DYM: variants seen among roughly 807,000 people sequenced by gnomAD.
DYM encodes the protein dyggve-Melchior-Clausen syndrome protein.
In DYM, 78 loss-of-function variants were observed where a neutral mutation model predicts 93.1. The observed-to-expected ratio is 0.84, with a 90% CI of 0.70 to 1.01. DYM has a LOEUF of 1.01. DYM is among the 50% of genes least tolerant of loss of function. The probability of loss-of-function intolerance (pLI) is 0.00; values close to 1 mark genes in which losing one functional copy is unlikely to be tolerated. For synonymous variants in DYM, 321 were observed against 319.7 expected (o/e 1.00, Z -0.04); for missense variants, 789 against 845.0 (o/e 0.93, Z 0.82).
intron 5 of DYM, among the ~76,000 whole-genome samples, chr18:49,370,982 C>T (rs570005312): frequency 6.6e-6 from 1 of 152,068 alleles, no homozygotes; most frequent in African/African-American, 2.4e-5. Flanking sequence ...GAGTAAAACA[C>T]TGAGAAGTAA....
At chr18:49,385,291 G>C (rs538277670) in intron 3 of DYM, among the ~76,000 whole-genome samples, 1 of 152,310 alleles carries the variant, frequency 6.6e-6, no homozygotes, top group African/African-American at 2.4e-5. Context: ...CCTACAGGGA[G>C]TCTGACTATC....
At chr18:49,060,027 T>A (rs185994755) in intron 17 of DYM, among the ~76,000 whole-genome samples, 3 of 152,276 alleles carry the variant, frequency 2.0e-5, no homozygotes, top group African/African-American at 7.2e-5. Flanking sequence ...AATAAAAATA[T>A]GAAATATGGT....
At chr18:49,352,564 T>C (rs572519312) in intron 6 of DYM, among the ~76,000 whole-genome samples, 17 of 151,892 alleles carry the variant, frequency 1.1e-4, no homozygotes, top group Non-Finnish European at 2.4e-4. Flanking sequence ...ACTAGGGAAC[T>C]TGAGAGGGAT....
intron 14 of DYM, among the ~76,000 whole-genome samples, chr18:49,198,542 A>C (rs1272652896): frequency 6.6e-6 from 1 of 152,226 alleles, no homozygotes; most frequent in Admixed American, 6.5e-5. Flanking sequence ...CAAGAAAAAA[A>C]CAACCCCATC....
At chr18:49,422,085 G>C (rs945838408) in intron 2 of DYM, among the ~76,000 whole-genome samples, 1 of 152,098 alleles carries the variant, frequency 6.6e-6, no homozygotes, top group Non-Finnish European at 1.5e-5. Flanking sequence ...CACTCTGCAG[G>C]ATATTATCCA....
At chr18:49,298,903 A>C (rs2060726262) in intron 8 of DYM, among the ~76,000 whole-genome samples, 1 of 152,260 alleles carries the variant, frequency 6.6e-6, no homozygotes, top group African/African-American at 2.4e-5. Context: ...GCATAAAAGG[A>C]AACAAAATAA....
intron 13 of DYM, among the ~76,000 whole-genome samples, chr18:49,231,039 G>T (rs1178411496): frequency 1.3e-5 from 2 of 152,102 alleles, no homozygotes; most frequent in African/African-American, 4.8e-5. Flanking sequence ...TTTTTCTAAT[G>T]CACAATATTC....
rs532415795 is a variant in DYM, at chr18:49,103,892, C to T, written c.1912-6377G>A. On this transcript the variant is annotated intron_variant, in intron 16 of 17. Transcript: ENST00000675505. Reference sequence around the variant, plus strand: ...TTGGCTTAGGATTGACTTGGCGATGCGGGCTCTTTTTTGGTTCCATATGAA... The same window carrying T: ...TTGGCTTAGGATTGACTTGGCGATGTGGGCTCTTTTTTGGTTCCATATGAA... Among the ~76,000 whole-genome samples the T allele has an allele frequency of 4.4e-3, 669 of 150,538 alleles. 1 individual carries two copies. The highest frequency in any genetic ancestry group is 7.4e-3 in the Non-Finnish European group (497 of 67,160).
rs566151063 is a variant in DYM at position 49,452,684 on chromosome 18, G to A, written c.-54+7714C>T. 1.4e-4 allele frequency among the ~76,000 whole-genome samples: 11 copies of A among 77,168 alleles called. 2 individuals are homozygous for A. The highest frequency in any genetic ancestry group is 1.1e-3 in the East Asian group (3 of 2,672). 50.6% of individuals were successfully genotyped at this position (77,168 alleles called of 152,430 possible). On this transcript the variant is annotated intron_variant, in intron 1 of 17. Coordinates refer to ENST00000675505, the MANE Select transcript of DYM (RefSeq NM_001353214.3). ...CGTGGCCTGAGCCTCCCTGACGAGC[G>A]CCGCTCCCTGCTCCCCAGCGCCTGG... is the stretch of plus-strand genomic sequence containing the variant.
intron 14 of DYM, among the ~76,000 whole-genome samples, chr18:49,181,934 A>G (rs2089964646): frequency 6.6e-6 from 1 of 152,080 alleles, no homozygotes; most frequent in South Asian, 2.1e-4. Context: ...CAATATAGGC[A>G]TTTCAGGCTA....
chr18:49,341,932 A>G (rs994802594), intron 6 of DYM, among the ~76,000 whole-genome samples: 1 of 152,208 alleles, frequency 6.6e-6, no homozygotes, highest in Non-Finnish European at 1.5e-5. Context: ...TTAGTTTTAC[A>G]TTGCTGCCAT....
intron 16 of DYM, among the ~76,000 whole-genome samples, chr18:49,099,367 G>T (rs968005667): frequency 3.3e-5 from 5 of 152,068 alleles, no homozygotes; most frequent in Admixed American, 2.6e-4. Context: ...GCCTAGTCAG[G>T]GACCTTCTAT....
intron 15 of DYM, among the ~76,000 whole-genome samples, chr18:49,161,875 A>T (rs1004808093): frequency 2.6e-5 from 4 of 152,228 alleles, no homozygotes; most frequent in African/African-American, 9.6e-5. Flanking sequence ...TTTAGAAATG[A>T]AACAAACCAC....
At chr18:49,352,356 G>T (rs2147184749) in intron 6 of DYM, among the ~76,000 whole-genome samples, 1 of 152,276 alleles carries the variant, frequency 6.6e-6, no homozygotes, top group South Asian at 2.1e-4. Flanking sequence ...GCTGAATTTT[G>T]TAGCATATGA....
intron 8 of DYM, among the ~76,000 whole-genome samples, chr18:49,307,217 T>C (rs1203796136): frequency 1.3e-5 from 2 of 152,144 alleles, no homozygotes; most frequent in African/African-American, 4.8e-5. Context: ...AACTGTATAA[T>C]AATGGCTTCA....
chr18:49,074,073 A>C (rs2077112164), intron 17 of DYM, among the ~76,000 whole-genome samples: 1 of 152,232 alleles, frequency 6.6e-6, no homozygotes, highest in Non-Finnish European at 1.5e-5. Flanking sequence ...TGACCACTTT[A>C]ACAGCTAGGT....
At chr18:49,253,599 C>G (rs1398827012) in intron 13 of DYM, among the ~76,000 whole-genome samples, 2 of 152,200 alleles carry the variant, frequency 1.3e-5, no homozygotes, top group African/African-American at 4.8e-5. Context: ...ACACTCCGCA[C>G]TTCCAACAAG....
At chr18:49,154,878 T>C (rs1158012994) in intron 15 of DYM, among the ~76,000 whole-genome samples, 1 of 152,208 alleles carries the variant, frequency 6.6e-6, no homozygotes, top group Admixed American at 6.5e-5. Context: ...GAAGTAACCA[T>C]TATTTAATAG....
chr18:49,055,991 T>G (rs1239078048), intron 17 of DYM, among the ~76,000 whole-genome samples: 2 of 152,048 alleles, frequency 1.3e-5, no homozygotes, highest in African/African-American at 4.8e-5. Context: ...GTGGTGACAC[T>G]GCCACGGCAG....
Sources: gnomAD v4.1 joint callset for allele counts (sites outside exome capture counted in the v4.1 genomes callset) on GRCh38, gnomAD v4.1.1 for gene constraint, MANE v1.5 for transcripts, NCBI Gene and HGNC (gene_info 2026-07-23, HGNC 2026-07-21) for gene names.